The following C3orf22 variants were observed in gnomAD, a reference collection of about 807,000 sequenced individuals.
C3orf22 encodes the protein chromosome 3 open reading frame 22.
C3orf22 carries 7 observed loss-of-function variants against 10.8 expected under a neutral mutation model. The ratio of observed to expected loss-of-function variants is 0.65; its 90% CI spans 0.37 to 1.22. The LOEUF is 1.22. Among genes scored for constraint, C3orf22 ranks in the 50% most tolerant of loss-of-function variants. C3orf22 has a pLI of 0.02. For synonymous variants in C3orf22, 79 were observed against 78.9 expected, an observed-to-expected ratio of 1.00 and a Z score of 0.00; for missense variants, 173 against 177.0, an observed-to-expected ratio of 0.98 and a Z score of 0.13.
intron 2 of C3orf22, among the ~76,000 whole-genome samples, chr3:126,552,834 G>GC (rs1030155561): frequency 2.0e-5 from 3 of 152,256 alleles, no homozygotes; most frequent in Non-Finnish European, 4.4e-5. Context: ...GGCATTGCTG[G>GC]CAAGATTTCC....
rs202039278 is a variant in C3orf22 at position 126,549,971 on chromosome 3, C to T, written c.323G>A (p.Arg108His). The T allele has an allele frequency of 2.4e-5, 38 of 1,614,088 alleles. No homozygotes were observed. The highest frequency in any genetic ancestry group is 2.7e-5 in the Non-Finnish European group (32 of 1,180,008). Residue 108 changes from arginine (R) to histidine (H), a missense_variant, in exon 4 of 4, where the codon CGC (arginine) becomes CAC (histidine). Physicochemically the swap from Arg to His is conservative, Grantham distance 29. Transcript: ENST00000318225. ...CNLWELKLLS[R>H]RFPRQLAFLL... is the part of the protein sequence containing the mutation. The stretch of plus-strand genomic sequence containing the variant: ...GAAGGCGAGTTGTCTGGGGAAGCGG[C>T]GACTCAGCAACTTGAGTTCCCAAAG...
chr3:126,542,178 G>C, intron 4 of C3orf22: 1 of 1,451,834 alleles, frequency 6.9e-7, no homozygotes, highest in Non-Finnish European at 9.0e-7. Context: ...CAGCGCCTGC[G>C]GCCGCGCGCG....
chr3:126,529,087 G>A (rs1226432036), intron 5 of C3orf22: 2 of 372,710 alleles, frequency 5.4e-6, no homozygotes, highest in East Asian at 1.5e-4. Context: ...GCTGGACTAG[G>A]GAGTCTGCAA....
intron 4 of C3orf22, among the ~76,000 whole-genome samples, chr3:126,539,034 C>T (rs114801232): frequency 6.6e-6 from 1 of 152,278 alleles, no homozygotes; most frequent in African/African-American, 2.4e-5. Context: ...CACTGCTTTG[C>T]CGTGTGCTTA....
chr3:126,538,041 C>G (rs528701644), intron 4 of C3orf22, among the ~76,000 whole-genome samples: 1 of 152,194 alleles, frequency 6.6e-6, no homozygotes, highest in Non-Finnish European at 1.5e-5. Context: ...GAGTTGGAGC[C>G]CCGGCTTCCC....
chr3:126,546,014 C>T (rs77987200), downstream of C3orf22, among the ~76,000 whole-genome samples: 420 of 152,340 alleles, frequency 2.8e-3, 2 homozygotes, highest in Non-Finnish European at 4.9e-3. Flanking sequence ...GCTTTAAAGA[C>T]ACAAACTGGA....
chr3:126,542,627 G>C (rs1185675990), intron 4 of C3orf22: 1 of 1,419,738 alleles, frequency 7.0e-7, no homozygotes. Flanking sequence ...TTTCCGACAA[G>C]ACCCCCGGGG....
At chr3:126,542,399 G>A (rs1434019449) in intron 4 of C3orf22, 2 of 1,550,508 alleles carry the variant, frequency 1.3e-6, no homozygotes, top group Non-Finnish European at 1.7e-6. Context: ...CCTGGCGGGC[G>A]CATCCGACCT....
downstream of C3orf22, among the ~76,000 whole-genome samples, chr3:126,548,034 T>C (rs763727308): frequency 2.0e-5 from 3 of 152,184 alleles, no homozygotes; most frequent in Non-Finnish European, 2.9e-5. Flanking sequence ...AAACAATGTG[T>C]TATTTCAAGG....
At chr3:126,556,534 T>C (rs1349985813) in intron 1 of C3orf22, among the ~76,000 whole-genome samples, 1 of 151,892 alleles carries the variant, frequency 6.6e-6, no homozygotes, top group East Asian at 1.9e-4. Context: ...GGACTGCACA[T>C]CTACACACTC....
chr3:126,546,149 T>C (rs924015269), downstream of C3orf22, among the ~76,000 whole-genome samples: 8 of 152,196 alleles, frequency 5.3e-5, no homozygotes, highest in African/African-American at 1.9e-4. Flanking sequence ...CTCCCTAGCA[T>C]CTGCAACCCT....
chr3:126,538,703 A>G (rs1212555390), intron 4 of C3orf22, among the ~76,000 whole-genome samples: 2 of 152,140 alleles, frequency 1.3e-5, no homozygotes, highest in Non-Finnish European at 2.9e-5. Context: ...ATGTGGAGCT[A>G]GGCTTCTAAG....
At chr3:126,541,987 G>A in intron 4 of C3orf22, 2 of 1,563,932 alleles carry the variant, frequency 1.3e-6, no homozygotes, top group Non-Finnish European at 1.7e-6. Flanking sequence ...AGGCGCACGC[G>A]CCTGGCCGCC....
At chr3:126,554,418 C>G (rs977004245) in intron 1 of C3orf22, among the ~76,000 whole-genome samples, 32 of 152,260 alleles carry the variant, frequency 2.1e-4, no homozygotes, top group African/African-American at 7.7e-4. Flanking sequence ...CGCCTGCCAC[C>G]ACGCCTGGCT....
intron 4 of C3orf22, chr3:126,542,313 G>A: frequency 6.4e-7 from 1 of 1,568,536 alleles, no homozygotes; most frequent in Non-Finnish European, 8.6e-7. Flanking sequence ...CACGCGCTCT[G>A]CCACCCGTGT....
Position 126,549,831 on chromosome 3 carries a change from G to A in C3orf22, c.*37C>T. The stretch of plus-strand genomic sequence containing the variant: ...ACTGCCCAGAGCCTGCCAAGGAGAA[G>A]GTGGCCAATAAGAAGGCCACACACA... On this transcript the variant is annotated 3_prime_UTR_variant, in exon 4 of 4. Transcript: ENST00000318225. 1 of 1,580,888 alleles carries A rather than the reference G, an allele frequency of 6.3e-7. No individual in the cohort carries two copies. Among genetic ancestry groups the A allele is most frequent in the Non-Finnish European group, 8.6e-7 (1 of 1,162,920 alleles).
intron 4 of C3orf22, among the ~76,000 whole-genome samples, chr3:126,538,550 C>T (rs998463488): frequency 6.6e-6 from 1 of 152,218 alleles, no homozygotes; most frequent in Non-Finnish European, 1.5e-5. Flanking sequence ...CTGACACAGC[C>T]GGGGTCGGCC....
At chr3:126,536,870 C>G (rs1234877416) in intron 4 of C3orf22, among the ~76,000 whole-genome samples, 1 of 142,384 alleles carries the variant, frequency 7.0e-6, no homozygotes, top group African/African-American at 2.8e-5. Flanking sequence ...CTGGCTCTCT[C>G]TCTCTCTTTC....
intron 1 of C3orf22, among the ~76,000 whole-genome samples, chr3:126,555,829 AG>A (rs1413362482): frequency 2.0e-5 from 3 of 152,128 alleles, no homozygotes; most frequent in Admixed American, 1.3e-4. Context: ...GGGCTGTGCC[AG>A]CTTTGTCTCC....
Sources: gnomAD v4.1 joint callset for allele counts (sites outside exome capture counted in the v4.1 genomes callset) on GRCh38, gnomAD v4.1.1 for gene constraint, MANE v1.5 for transcripts, NCBI Gene and HGNC (gene_info 2026-07-23, HGNC 2026-07-21) for gene names.